KLHL13: variants seen among roughly 807,000 people sequenced by gnomAD.
KLHL13 encodes kelch-like protein 13.
Under a neutral mutation model 37.1 loss-of-function variants are expected in KLHL13, and 10 were observed. The ratio of observed to expected loss-of-function variants is 0.27; its 90% CI spans 0.17 to 0.46. The LOEUF (loss-of-function observed/expected upper bound fraction) is 0.46. Ranked by LOEUF, KLHL13 falls within the 20% of genes least tolerant of loss-of-function variation. The probability of loss-of-function intolerance (pLI) is 1.00; values close to 1 mark genes in which losing one functional copy is unlikely to be tolerated. For missense variants in KLHL13, 360 were observed against 509.3 expected, an observed-to-expected ratio of 0.71 and a Z score of 2.82; for synonymous variants, 163 against 181.2, an observed-to-expected ratio of 0.90 and a Z score of 0.81.
chrX:118,019,610 GT>G (rs900703294), intron 1 of KLHL13, among the ~76,000 whole-genome samples: 12 of 111,270 alleles, frequency 1.1e-4, no homozygotes, highest in African/African-American at 3.6e-4. Context: ...TCCTTCTAGG[GT>G]TTTTATGGTT....
chrX:117,991,839 C>G (rs1185482650), intron 1 of KLHL13, among the ~76,000 whole-genome samples: 6 of 92,386 alleles, frequency 6.5e-5, no homozygotes, highest in Admixed American at 6.4e-4. Context: ...TCTTCTCCTA[C>G]AGTGAAACTC....
chrX:118,061,464 G>A (rs12012899), intron 1 of KLHL13, among the ~76,000 whole-genome samples: 9,353 of 110,709 alleles, frequency 0.084, 349 homozygotes, highest in Middle Eastern at 0.14. Flanking sequence ...GGTAGTATAC[G>A]AACTGTGTAT....
At chrX:118,069,800 A>T (rs907318500) in intron 1 of KLHL13, among the ~76,000 whole-genome samples, 1 of 112,002 alleles carries the variant, frequency 8.9e-6, no homozygotes, top group African/African-American at 3.2e-5. Context: ...TAAATTTAGT[A>T]AAGCCTAAAT....
chrX:118,036,898 A>G (rs1374238736), intron 1 of KLHL13, among the ~76,000 whole-genome samples: 1 of 103,217 alleles, frequency 9.7e-6, no homozygotes, highest in Non-Finnish European at 2.0e-5. Flanking sequence ...AATTTACAAG[A>G]AAAAAACAAA....
At chrX:118,097,498 T>C (rs1373256126) in intron 1 of KLHL13, among the ~76,000 whole-genome samples, 46 of 111,717 alleles carry the variant, frequency 4.1e-4, no homozygotes, top group East Asian at 2.8e-4. Flanking sequence ...AAAATGGCCA[T>C]ACTGCCCAAG....
chrX:118,035,403 G>C (rs184023676), intron 1 of KLHL13, among the ~76,000 whole-genome samples: 1 of 107,589 alleles, frequency 9.3e-6, no homozygotes, highest in Non-Finnish European at 1.9e-5. Flanking sequence ...CATGATCAAA[G>C]GGGCTTCATC....
chrX:118,032,691 C>T (rs1432768406), intron 1 of KLHL13, among the ~76,000 whole-genome samples: 1 of 112,241 alleles, frequency 8.9e-6, no homozygotes, highest in Non-Finnish European at 1.9e-5. Context: ...CACCTCTCCT[C>T]CTCCAAAGGA....
At position 117,924,032 on chromosome X, in the gene KLHL13, C is replaced by T. The variant is rs188239564; in HGVS notation, c.241-3662G>A. ...GTTTTACATTTATTTTCACAACATACAGTGTCCCTTTCTAAACATTTCATA... is the reference window on the plus strand; with the variant it reads ...GTTTTACATTTATTTTCACAACATATAGTGTCCCTTTCTAAACATTTCATA... On this transcript the variant is annotated intron_variant, in intron 2 of 6. Transcript: ENST00000262820. Among the ~76,000 whole-genome samples the T allele has an allele frequency of 7.2e-5, 8 of 111,747 alleles. No homozygotes were observed. The East Asian group carries it at 2.0e-3, about 27-fold the overall frequency.
At chrX:118,033,292 A>G (rs1468998910) in intron 1 of KLHL13, among the ~76,000 whole-genome samples, 2 of 111,300 alleles carry the variant, frequency 1.8e-5, no homozygotes, top group African/African-American at 3.3e-5. Flanking sequence ...CATAATTGTC[A>G]CATTCACCAA....
At chrX:117,952,393 A>T (rs1248391853) in intron 1 of KLHL13, among the ~76,000 whole-genome samples, 1 of 109,931 alleles carries the variant, frequency 9.1e-6, no homozygotes, top group East Asian at 2.9e-4. Flanking sequence ...CACCTTATAC[A>T]AAAATTAATT....
chrX:118,099,672 G>A (rs780153973), intron 1 of KLHL13, among the ~76,000 whole-genome samples: 41 of 110,512 alleles, frequency 3.7e-4, no homozygotes, highest in African/African-American at 1.3e-3. Context: ...AAAAAAATTA[G>A]CTGGGCATGG....
intron 1 of KLHL13, among the ~76,000 whole-genome samples, chrX:118,031,470 G>GATATATATATAGATATATATATTTAGAT: frequency 3.5e-5 from 3 of 86,050 alleles, no homozygotes; most frequent in South Asian, 9.2e-4. Context: ...TATATATTTA[G>GATATATATATAGATATATATATTTAGAT]ATATATATAT....
chrX:117,985,933 C>CT (rs1175550223), intron 1 of KLHL13, among the ~76,000 whole-genome samples: 1 of 110,628 alleles, frequency 9.0e-6, no homozygotes, highest in South Asian at 3.8e-4. Flanking sequence ...TTTGTCAATC[C>CT]CATTCCATCT....
At chrX:117,957,016 T>C (rs1234313516) in intron 1 of KLHL13, among the ~76,000 whole-genome samples, 2 of 112,035 alleles carry the variant, frequency 1.8e-5, no homozygotes, top group African/African-American at 3.2e-5. Flanking sequence ...AAAAGAACTA[T>C]AGATAAAATA....
intron 1 of KLHL13, among the ~76,000 whole-genome samples, chrX:118,033,385 G>A (rs1328436965): frequency 1.8e-5 from 2 of 111,807 alleles, no homozygotes; most frequent in East Asian, 5.6e-4. Flanking sequence ...CAGACTAACA[G>A]CAGATCTCTC....
At chrX:118,018,801 A>C (rs1042461294) in intron 1 of KLHL13, among the ~76,000 whole-genome samples, 2 of 111,607 alleles carry the variant, frequency 1.8e-5, no homozygotes, top group Non-Finnish European at 3.8e-5. Context: ...TGATACAGAC[A>C]AAAGGTACTG....
intron 2 of KLHL13, among the ~76,000 whole-genome samples, chrX:117,923,060 C>A (rs758472603): frequency 8.9e-6 from 1 of 111,923 alleles, no homozygotes; most frequent in African/African-American, 3.2e-5. Context: ...TTAGTGCATG[C>A]ACAGTAATCT....
chrX:118,037,605 A>T (rs1284699778), intron 1 of KLHL13, among the ~76,000 whole-genome samples: 1 of 108,353 alleles, frequency 9.2e-6, no homozygotes, highest in African/African-American at 3.4e-5. Context: ...GGGGTGGGGG[A>T]AGGGGGGAGG....
intron 1 of KLHL13, among the ~76,000 whole-genome samples, chrX:118,010,217 T>C (rs1166965656): frequency 4.4e-5 from 4 of 89,932 alleles, no homozygotes; most frequent in Admixed American, 1.3e-4. Context: ...AAATACCATT[T>C]GACCCAGCCA....
Sources: gnomAD v4.1 joint callset for allele counts (sites outside exome capture counted in the v4.1 genomes callset) on GRCh38, gnomAD v4.1.1 for gene constraint, MANE v1.5 for transcripts, NCBI Gene and HGNC (gene_info 2026-07-23, HGNC 2026-07-21) for gene names.